The following C2orf66 variants were observed in gnomAD, a reference collection of about 807,000 sequenced individuals.
C2orf66 encodes uncharacterized protein C2orf66.
Under a neutral mutation model 7.0 loss-of-function variants are expected in C2orf66, and 6 were observed. The ratio of observed to expected loss-of-function variants is 0.86; its 90% CI spans 0.47 to 1.69. The LOEUF (loss-of-function observed/expected upper bound fraction) is 1.69. Among genes scored for constraint, C2orf66 ranks in the 40% most tolerant of loss-of-function variants. The pLI is 0.01. For synonymous variants in C2orf66, 38 were observed against 43.8 expected (o/e 0.87, Z 0.52); for missense variants, 107 against 112.0 (o/e 0.96, Z 0.20).
chr2:196,815,563 G>C, the C2orf66 span, among the ~76,000 whole-genome samples: 1 of 152,194 alleles, frequency 6.6e-6, no homozygotes, highest in Non-Finnish European at 1.5e-5. Flanking sequence ...TCTGCACCCA[G>C]AGGCATCTGA....
chr2:196,809,428 A>G, upstream of C2orf66: 3 of 1,547,888 alleles, frequency 1.9e-6, no homozygotes, highest in East Asian at 2.3e-5. Flanking sequence ...AAGAGGAAAC[A>G]TCTGTAAAGG....
the C2orf66 span, among the ~76,000 whole-genome samples, chr2:196,814,686 T>C: frequency 6.6e-6 from 1 of 152,130 alleles, no homozygotes; most frequent in Non-Finnish European, 1.5e-5. Flanking sequence ...TTGAGCCCAA[T>C]ATGCAAGCAC....
At chr2:196,818,667 G>T in the C2orf66 span, among the ~76,000 whole-genome samples, 4 of 152,170 alleles carry the variant, frequency 2.6e-5, no homozygotes, top group Non-Finnish European at 5.9e-5. Flanking sequence ...TAGACATCCG[G>T]ATTCACACAC....
the C2orf66 span, among the ~76,000 whole-genome samples, chr2:196,816,321 T>C: frequency 1.3e-5 from 2 of 152,192 alleles, no homozygotes; most frequent in Non-Finnish European, 2.9e-5. Context: ...TCAAACGACG[T>C]TGGTTAAAAA....
the C2orf66 span, among the ~76,000 whole-genome samples, chr2:196,819,000 C>A: frequency 1.3e-5 from 2 of 152,130 alleles, no homozygotes; most frequent in Non-Finnish European, 2.9e-5. Flanking sequence ...CCAGTCCTAC[C>A]ATTCCATCCA....
At chr2:196,820,441 G>C in the C2orf66 span, among the ~76,000 whole-genome samples, 4 of 152,012 alleles carry the variant, frequency 2.6e-5, no homozygotes, top group Non-Finnish European at 5.9e-5. Flanking sequence ...TAGATTTCTG[G>C]CTTACTATCA....
At chr2:196,827,724 A>T in the C2orf66 span, among the ~76,000 whole-genome samples, 1 of 152,210 alleles carries the variant, frequency 6.6e-6, no homozygotes, top group African/African-American at 2.4e-5. Context: ...CAAACTTTCT[A>T]AAGTTCTTTC....
the C2orf66 span, among the ~76,000 whole-genome samples, chr2:196,830,624 A>G: frequency 2.0e-5 from 3 of 152,168 alleles, no homozygotes; most frequent in East Asian, 3.8e-4. Context: ...TCCTTGTCCC[A>G]TGGGAACTTG....
the C2orf66 span, among the ~76,000 whole-genome samples, chr2:196,827,928 C>T: frequency 6.6e-6 from 1 of 152,144 alleles, no homozygotes; most frequent in Non-Finnish European, 1.5e-5. Flanking sequence ...GTGACTTAGG[C>T]ACAACTAGAA....
the C2orf66 span, among the ~76,000 whole-genome samples, chr2:196,826,579 T>C: frequency 6.6e-6 from 1 of 151,840 alleles, no homozygotes; most frequent in African/African-American, 2.4e-5. Context: ...AAATGAGGAG[T>C]TCTTGTTTAA....
the C2orf66 span, among the ~76,000 whole-genome samples, chr2:196,830,654 G>T: frequency 6.6e-6 from 1 of 152,216 alleles, no homozygotes; most frequent in African/African-American, 2.4e-5. Context: ...GAACATGCTA[G>T]ATGCCTGCTG....
chr2:196,830,447 C>T, the C2orf66 span, among the ~76,000 whole-genome samples: 1 of 152,340 alleles, frequency 6.6e-6, no homozygotes, highest in Non-Finnish European at 1.5e-5. Flanking sequence ...CCCCGCTTCT[C>T]CTGTGAACAG....
the C2orf66 span, among the ~76,000 whole-genome samples, chr2:196,820,259 GT>G: frequency 2.0e-5 from 3 of 152,050 alleles, no homozygotes; most frequent in South Asian, 6.2e-4. Flanking sequence ...TTATTTATTT[GT>G]TTTTCCCCTC....
At chr2:196,813,515 T>A (rs1699895693), upstream of C2orf66, among the ~76,000 whole-genome samples, 2 of 152,184 alleles carry the variant, frequency 1.3e-5, no homozygotes, top group South Asian at 4.1e-4. Context: ...GACATAGGCA[T>A]GGGCAAAGAC....
At chr2:196,808,482 T>G (rs985975076) in intron 1 of C2orf66, among the ~76,000 whole-genome samples, 2 of 152,188 alleles carry the variant, frequency 1.3e-5, no homozygotes, top group African/African-American at 4.8e-5. Context: ...CCACTTTTGT[T>G]GCCATCTGCT....
At chr2:196,814,337 C>T (rs559836146), upstream of C2orf66, among the ~76,000 whole-genome samples, 4 of 152,126 alleles carry the variant, frequency 2.6e-5, no homozygotes, top group Non-Finnish European at 4.4e-5. Flanking sequence ...AAACCAAACA[C>T]TGCATGTTCT....
chr2:196,809,483 C>A, upstream of C2orf66: 5 of 1,164,326 alleles, frequency 4.3e-6, no homozygotes, highest in Middle Eastern at 2.5e-4. Flanking sequence ...CTAAGTTTTA[C>A]AGCCATCTTT....
the C2orf66 span, among the ~76,000 whole-genome samples, chr2:196,829,621 G>GGC: frequency 2.0e-5 from 3 of 150,826 alleles, no homozygotes; most frequent in Admixed American, 6.6e-5. Context: ...ACAGGGGCCG[G>GGC]GTGCAGTGGC....
At chr2:196,813,712 GAACTTA>G (rs1371901574), upstream of C2orf66, among the ~76,000 whole-genome samples, 2 of 152,016 alleles carry the variant, frequency 1.3e-5, no homozygotes, top group African/African-American at 2.4e-5. Context: ...AATCTACAAA[GAACTTA>G]AACAAATTCA....
Sources: allele counts gnomAD v4.1 joint callset (sites outside exome capture counted in the v4.1 genomes callset), GRCh38; gene constraint gnomAD v4.1.1; transcripts MANE v1.5; gene names NCBI Gene and HGNC (gene_info 2026-07-23, HGNC 2026-07-21).